CDK7: variants seen among roughly 807,000 people sequenced by gnomAD.
CDK7 encodes cyclin-dependent kinase 7.
A neutral mutation model predicts 49.1 loss-of-function variants in CDK7; 25 were observed. The observed-to-expected ratio is 0.51, with a 90% CI of 0.37 to 0.71. The LOEUF (loss-of-function observed/expected upper bound fraction) is 0.71, where lower values mean the gene tolerates loss of function less well. CDK7 is among the 30% of genes least tolerant of loss of function. The pLI, the probability that CDK7 is intolerant of heterozygous loss-of-function variation, is 0.00. For synonymous variants in CDK7, 107 were observed against 140.0 expected (o/e 0.76, Z 1.67); for missense variants, 316 against 411.7 (o/e 0.77, Z 2.01).
Position 69,277,365 on chromosome 5 carries a change from T to A in CDK7, c.*230T>A. 1 of 392,146 alleles carries A rather than the reference T, an allele frequency of 2.6e-6. No homozygotes were observed. The highest frequency in any genetic ancestry group is 4.6e-6 in the Non-Finnish European group (1 of 217,134). 24.3% of individuals were successfully genotyped at this position (392,146 alleles called of 1,614,324 possible). A position where few individuals can be genotyped will look rare whatever the true frequency, so the allele number is the denominator to read the frequency against. On this transcript the variant is annotated 3_prime_UTR_variant, in exon 12 of 12. Transcript: ENST00000256443. ...TGAGAAAAGTTCAATACTCTTGAAA[T>A]GTAGAATTGAAAATGCATTAGGGAA...
chr5:69,264,714 T>A (rs547435487), intron 8 of CDK7, among the ~76,000 whole-genome samples: 1 of 152,176 alleles, frequency 6.6e-6, no homozygotes, highest in South Asian at 2.1e-4. Flanking sequence ...CTCATGCCTG[T>A]AATCCCAGCA....
rs1752166918 is a variant in CDK7 at position 69,276,609 on chromosome 5, A to G, written c.931A>G (p.Asn311Asp). Residue 311 changes from asparagine to aspartate, a missense_variant, in exon 11 of 12, where the codon AAC becomes GAC. Physicochemically the swap from Asn to Asp is conservative, Grantham distance 23. Transcript: ENST00000256443. ...ACCTGGATGTCAGCTGCCAAGACCAAACTGTCCAGTGGAAACCTTAAAGGA... is the reference window on the plus strand; with the variant it reads ...ACCTGGATGTCAGCTGCCAAGACCAGACTGTCCAGTGGAAACCTTAAAGGA... ...PTPGCQLPRP[N>D]CPVETLKEQS... The G allele has an allele frequency of 1.2e-6, 2 of 1,613,946 alleles. No individual in the cohort carries two copies. Among genetic ancestry groups the G allele is most frequent in the Non-Finnish European group, 1.7e-6 (2 of 1,180,022 alleles).
rs148074751 is a variant in CDK7 at position 69,235,594 on chromosome 5, G to A, written c.126+141G>A. On this transcript the variant is annotated intron_variant, in intron 2 of 11. Coordinates refer to ENST00000256443, the MANE Select transcript of CDK7 (RefSeq NM_001799.4). ...TTTTCAGAGACAAAATAATTAATTAGTGCTTTGTGTTCCCAAACGGAACTC... is the reference window on the plus strand; with the variant it reads ...TTTTCAGAGACAAAATAATTAATTAATGCTTTGTGTTCCCAAACGGAACTC... The A allele has an allele frequency of 2.5e-4, 167 of 671,068 alleles. 1 individual carries two copies. In the Middle Eastern group the frequency reaches 7.4e-3, roughly 30 times the overall value. 41.6% of individuals were successfully genotyped at this position (671,068 alleles called of 1,614,324 possible).
intron 2 of CDK7, among the ~76,000 whole-genome samples, chr5:69,245,670 G>A (rs1749705637): frequency 6.6e-6 from 1 of 152,076 alleles, no homozygotes; most frequent in South Asian, 2.1e-4. Flanking sequence ...CAGCATTGAA[G>A]CCATCAGGTC....
chr5:69,241,799 T>C (rs1749410344), intron 2 of CDK7, among the ~76,000 whole-genome samples: 1 of 152,226 alleles, frequency 6.6e-6, no homozygotes, highest in Non-Finnish European at 1.5e-5. Context: ...TCTTATATAT[T>C]CTGGATATTA....
intron 8 of CDK7, among the ~76,000 whole-genome samples, chr5:69,268,885 G>A (rs972599173): frequency 1.3e-5 from 2 of 150,176 alleles, no homozygotes; most frequent in African/African-American, 4.9e-5. Context: ...GCTCACGCCT[G>A]TAATCCCAGC....
chr5:69,270,071 A>G (rs1751429947), intron 9 of CDK7, among the ~76,000 whole-genome samples: 1 of 128,372 alleles, frequency 7.8e-6, no homozygotes, highest in Non-Finnish European at 1.8e-5. Context: ...GTCTCCAAAA[A>G]AAAAAAAAAA....
chr5:69,276,649 CT>C lies in CDK7; in HGVS notation c.974del (p.Leu325TrpfsTer3), dbSNP rs1752170408. On this transcript the variant is annotated frameshift_variant, in exon 11 of 12. Coordinates refer to ENST00000256443, the MANE Select transcript of CDK7 (RefSeq NM_001799.4). LOFTEE classifies it high-confidence loss of function. ...VETLKEQSNP[A>X]LAIKRKRTEA... is the part of the protein sequence containing the mutation. ...ACCTTAAAGGAGCAATCAAATCCAGCTTTGGCAATAAAAAGGAAAAGAACAG... is the reference window on the plus strand; with the variant it reads ...ACCTTAAAGGAGCAATCAAATCCAGCTTGGCAATAAAAAGGAAAAGAACAG... 6.2e-7 allele frequency: 1 copy of C among 1,613,980 alleles called. No homozygotes were observed. The highest frequency in any genetic ancestry group is 1.1e-5 in the South Asian group (1 of 91,092).
In CDK7 at chr5:69,235,123, G is replaced by A. The variant is rs560127790; in HGVS notation, c.66+82G>A. The stretch of plus-strand genomic sequence containing the variant: ...CACCTTTGCGGGTTTTCCCGTGGAG[G>A]CCAGAGGTCTGGCTTGGCTGCTCGT... On this transcript the variant is annotated intron_variant, in intron 1 of 11. Transcript: ENST00000256443. 1.4e-4 allele frequency: 196 copies of A among 1,353,756 alleles called. 1 individual carries two copies. The South Asian group carries it at 2.3e-3, about 16-fold the overall frequency. 83.9% of individuals were successfully genotyped at this position (1,353,756 alleles called of 1,614,324 possible).
intron 6 of CDK7, among the ~76,000 whole-genome samples, chr5:69,258,772 G>C (rs1476172355): frequency 1.3e-5 from 2 of 152,082 alleles, no homozygotes; most frequent in African/African-American, 4.8e-5. Context: ...ATAATGGACA[G>C]AGTATTAAAA....
chr5:69,274,358 G>A (rs1270040383), intron 10 of CDK7, among the ~76,000 whole-genome samples: 1 of 152,166 alleles, frequency 6.6e-6, no homozygotes, highest in African/African-American at 2.4e-5. Context: ...GCTGTAGGCC[G>A]GTGCATCGGC....
intron 4 of CDK7, among the ~76,000 whole-genome samples, chr5:69,254,995 C>T (rs951725695): frequency 7.9e-5 from 12 of 152,310 alleles, no homozygotes; most frequent in Admixed American, 3.9e-4. Flanking sequence ...TGTGTTCACT[C>T]ACAACTCCCC....
At chr5:69,268,223 A>G (rs1348987529) in intron 8 of CDK7, among the ~76,000 whole-genome samples, 1 of 152,034 alleles carries the variant, frequency 6.6e-6, no homozygotes. Context: ...TGCTCTTTCC[A>G]TGTGGTCTAG....
At chr5:69,267,292 C>CTTTTT (rs71612523) in intron 8 of CDK7, among the ~76,000 whole-genome samples, 6 of 91,094 alleles carry the variant, frequency 6.6e-5, no homozygotes, top group African/African-American at 1.2e-4. Flanking sequence ...ATAAGGATTC[C>CTTTTT]TTTTTTTTTT....
At chr5:69,244,877 A>G (rs899471923) in intron 2 of CDK7, among the ~76,000 whole-genome samples, 2 of 152,008 alleles carry the variant, frequency 1.3e-5, no homozygotes, top group Non-Finnish European at 2.9e-5. Context: ...GTTTTTTAAG[A>G]GTTTTTATCA....
At chr5:69,236,246 A>C (rs1748967630) in intron 2 of CDK7, among the ~76,000 whole-genome samples, 1 of 152,096 alleles carries the variant, frequency 6.6e-6, no homozygotes. Flanking sequence ...TCTTAAAAAA[A>C]AAAAAAAAAA....
intron 2 of CDK7, among the ~76,000 whole-genome samples, chr5:69,247,533 G>T (rs1484695190): frequency 1.3e-5 from 2 of 149,714 alleles, no homozygotes. Context: ...TATCCATTCA[G>T]TCACTCTGTG....
intron 2 of CDK7, among the ~76,000 whole-genome samples, chr5:69,241,307 GTTTTTTCT>G (rs1280315708): frequency 0.13 from 13,934 of 111,174 alleles, 1,152 homozygotes; most frequent in African/African-American, 0.18. Context: ...CTCATTGTAG[GTTTTTTCT>G]TTTTTTTTTT....
chr5:69,275,242 T>C (rs1751999738), intron 10 of CDK7, among the ~76,000 whole-genome samples: 1 of 152,190 alleles, frequency 6.6e-6, no homozygotes, highest in Non-Finnish European at 1.5e-5. Flanking sequence ...AGAAATAATC[T>C]TGGAGAAGCC....
Sources: allele counts gnomAD v4.1 joint callset (sites outside exome capture counted in the v4.1 genomes callset), GRCh38; gene constraint gnomAD v4.1.1; transcripts MANE v1.5; gene names NCBI Gene and HGNC (gene_info 2026-07-23, HGNC 2026-07-21).